Variants in FNBP1 observed in about 807,000 individuals in gnomAD.
FNBP1 encodes the protein formin binding protein 1.
FNBP1 carries 26 observed loss-of-function variants against 90.6 expected under a neutral mutation model. That is an observed-to-expected ratio of 0.29 (90% CI 0.21 to 0.40). The LOEUF is 0.40. Among genes scored for constraint, FNBP1 ranks in the 10% least tolerant of loss-of-function variants. The pLI is 1.00. For missense variants in FNBP1, 635 were observed against 768.0 expected, an observed-to-expected ratio of 0.83 and a Z score of 2.05; for synonymous variants, 260 against 265.2, an observed-to-expected ratio of 0.98 and a Z score of 0.19.
intron 1 of FNBP1, among the ~76,000 whole-genome samples, chr9:130,001,106 G>A (rs1298042593): frequency 6.6e-6 from 1 of 152,154 alleles, no homozygotes; most frequent in Admixed American, 6.5e-5. Flanking sequence ...GCCGAGGCAG[G>A]CGGATGACAA....
chr9:129,964,073 C>G (rs1215803688), intron 4 of FNBP1, among the ~76,000 whole-genome samples: 1 of 152,202 alleles, frequency 6.6e-6, no homozygotes, highest in African/African-American at 2.4e-5. Context: ...GGGTTTGTTT[C>G]TAGCTCTATC....
In FNBP1 at chr9:129,992,426, T is replaced by C. The variant is rs192340914; in HGVS notation, c.140+2417A>G. Among the ~76,000 whole-genome samples, 34 of 152,284 alleles carry C rather than the reference T, an allele frequency of 2.2e-4. No homozygotes were observed. In the East Asian group the frequency reaches 5.2e-3, roughly 23 times the overall value. The stretch of plus-strand genomic sequence containing the variant: ...TCTCCACTTATAAAAATTATTTCAT[T>C]GTGTGATGTTTTACATGTTATTCAC... On this transcript the variant is annotated intron_variant, in intron 2 of 16. Transcript: ENST00000446176.
At chr9:129,896,388 G>A (rs1181157391) in intron 15 of FNBP1, among the ~76,000 whole-genome samples, 1 of 151,954 alleles carries the variant, frequency 6.6e-6, no homozygotes, top group African/African-American at 2.4e-5. Flanking sequence ...GTTATTTTTT[G>A]GGGGGGTTGT....
chr9:129,944,166 TC>T (rs759167276), intron 6 of FNBP1, among the ~76,000 whole-genome samples: 12 of 152,014 alleles, frequency 7.9e-5, no homozygotes, highest in Non-Finnish European at 1.6e-4. Flanking sequence ...ATGAAAGGTA[TC>T]TATTACAGTC....
In FNBP1 at chr9:129,900,517, G is replaced by T. The variant is rs759741577; in HGVS notation, c.1459C>A (p.Pro487Thr). ...AWLAEVEGRLPARSEQARRQS... is the reference protein window; with the variant it reads ...AWLAEVEGRLTARSEQARRQS... The stretch of plus-strand genomic sequence containing the variant: ...CGGCGCGCCTGCTCGCTGCGTGCTG[G>T]GAGCCGGCCTTCAACCTCAGCCAGC... Residue 487 changes from proline to threonine, a missense_variant, in exon 14 of 17, where the codon CCA becomes ACA. Transcript: ENST00000446176. The surrounding 1 kb of genome is among the most constrained non-coding windows in gnomAD (Gnocchi z 4.1). 1.3e-6 allele frequency: 2 copies of T among 1,586,490 alleles called. No homozygotes were observed. Among genetic ancestry groups the T allele is most frequent in the Non-Finnish European group, 1.7e-6 (2 of 1,169,192 alleles).
intron 12 of FNBP1, among the ~76,000 whole-genome samples, chr9:129,908,062 C>T (rs550720933): frequency 1.3e-5 from 2 of 152,030 alleles, no homozygotes; most frequent in African/African-American, 2.4e-5. Flanking sequence ...TCACTGCAGC[C>T]TCCACCTCCC....
At chr9:129,910,689 C>T (rs1253911376) in intron 11 of FNBP1, among the ~76,000 whole-genome samples, 3 of 151,988 alleles carry the variant, frequency 2.0e-5, no homozygotes, top group Non-Finnish European at 2.9e-5. Context: ...TACATGTGGG[C>T]TTATGACTGG....
intron 1 of FNBP1, among the ~76,000 whole-genome samples, chr9:130,040,625 A>AG (rs1242549157): frequency 1.1e-3 from 85 of 77,590 alleles, no homozygotes; most frequent in East Asian, 8.1e-3. Flanking sequence ...ACTCCGTCTC[A>AG]GAAAAAAAAA....
intron 6 of FNBP1, among the ~76,000 whole-genome samples, chr9:129,955,216 G>A (rs1241718735): frequency 6.6e-6 from 1 of 151,746 alleles, no homozygotes; most frequent in Non-Finnish European, 1.5e-5. Context: ...AAACAGAAAT[G>A]AAATGACAGT....
intron 6 of FNBP1, among the ~76,000 whole-genome samples, chr9:129,943,177 G>A (rs906090072): frequency 1.3e-5 from 2 of 152,078 alleles, no homozygotes; most frequent in Non-Finnish European, 2.9e-5. Context: ...TCAGGTTCAA[G>A]TCCTGATTCC....
At chr9:130,012,785 G>A (rs369478257) in intron 1 of FNBP1, among the ~76,000 whole-genome samples, 2 of 151,996 alleles carry the variant, frequency 1.3e-5, no homozygotes, top group Non-Finnish European at 2.9e-5. Flanking sequence ...GAATACAGGC[G>A]CGTGCCACCA....
intron 4 of FNBP1, among the ~76,000 whole-genome samples, chr9:129,959,089 A>G (rs1018541019): frequency 3.3e-5 from 5 of 151,642 alleles, no homozygotes; most frequent in African/African-American, 1.2e-4. Flanking sequence ...TTGGGGGGAA[A>G]AAAAGCAGTC....
intron 4 of FNBP1, among the ~76,000 whole-genome samples, chr9:129,973,389 T>TTTA (rs1167243905): frequency 6.6e-6 from 1 of 152,204 alleles, no homozygotes; most frequent in Non-Finnish European, 1.5e-5. Context: ...TAAAATAGTG[T>TTTA]TTACTAAGTC....
intron 16 of FNBP1, among the ~76,000 whole-genome samples, chr9:129,892,265 C>G (rs960260194): frequency 6.6e-6 from 1 of 151,822 alleles, no homozygotes; most frequent in South Asian, 2.1e-4. Flanking sequence ...AGAGAGCAAT[C>G]GAAGAACCAA....
chr9:129,961,466 C>T (rs957922846), intron 4 of FNBP1, among the ~76,000 whole-genome samples: 7 of 152,126 alleles, frequency 4.6e-5, no homozygotes, highest in African/African-American at 1.7e-4. Context: ...CCAAAGAAGA[C>T]AAAGATCCCA....
intron 5 of FNBP1, 50 bp downstream of exon 5, chr9:129,958,441 G>GA (rs11394970): frequency 0.87 from 1,135,386 of 1,303,480 alleles, 492,564 homozygotes; most frequent in Non-Finnish European, 0.88. Flanking sequence ...CAAAAAAAAA[G>GA]AAAAAAAAAT....
chr9:129,908,724 T>C (rs548013855), intron 12 of FNBP1, among the ~76,000 whole-genome samples, 166 bp downstream of exon 12: 107 of 151,976 alleles, frequency 7.0e-4, no homozygotes, highest in African/African-American at 2.4e-3. Context: ...GGCTAGTTTT[T>C]ATATTTTTAG....
intron 1 of FNBP1, among the ~76,000 whole-genome samples, chr9:129,998,986 T>A (rs2054432339): frequency 6.6e-6 from 1 of 152,220 alleles, no homozygotes; most frequent in African/African-American, 2.4e-5. Flanking sequence ...GTTCTTTTGA[T>A]GCTCTGTGAA....
chr9:129,907,074 G>T (rs552805078), intron 12 of FNBP1, among the ~76,000 whole-genome samples: 31 of 136,924 alleles, frequency 2.3e-4, no homozygotes, highest in African/African-American at 8.3e-4. Context: ...CACTGCGCCT[G>T]GCCCAAGCAC....
Sources: gnomAD v4.1 joint callset for allele counts (sites outside exome capture counted in the v4.1 genomes callset) on GRCh38, gnomAD v4.1.1 for gene constraint, Gnocchi (gnomAD v3.1) non-coding constraint, MANE v1.5 for transcripts, NCBI Gene and HGNC (gene_info 2026-07-23, HGNC 2026-07-21) for gene names.